Variants in CDH12 observed in about 807,000 individuals in gnomAD.
CDH12 encodes the protein cadherin 12.
Under a neutral mutation model 74.1 loss-of-function variants are expected in CDH12, and 41 were observed. The ratio of observed to expected loss-of-function variants is 0.55; its 90% CI spans 0.43 to 0.72. The LOEUF (loss-of-function observed/expected upper bound fraction) is 0.72, where lower values mean the gene tolerates loss of function less well. Ranked by LOEUF, CDH12 falls within the 30% of genes least tolerant of loss-of-function variation. CDH12 has a pLI of 0.00. For missense variants in CDH12, 945 were observed against 977.2 expected (o/e 0.97, Z 0.44); for synonymous variants, 399 against 355.0 (o/e 1.12, Z -1.39).
intron 1 of CDH12, among the ~76,000 whole-genome samples, chr5:22,661,477 AT>A (rs1740345686): frequency 6.6e-6 from 1 of 152,174 alleles, no homozygotes. Flanking sequence ...TTTTTAGGAA[AT>A]ATTATATTTC....
At position 22,801,426 on chromosome 5, in the gene CDH12, TA is replaced by T. The variant is rs1223979908; in HGVS notation, c.-523+51631del. Among the ~76,000 whole-genome samples, 5 of 152,120 alleles carry T rather than the reference TA, an allele frequency of 3.3e-5. No homozygotes were observed. The East Asian group carries it at 9.7e-4, about 29-fold the overall frequency. ...ATGAGCTATTAAGGGCATCAACTTT[TA>T]AAAAGAGGTTTTTTGCCTTTTTAAG... On this transcript the variant is annotated intron_variant, in intron 1 of 14. Transcript: ENST00000382254.
intron 1 of CDH12, among the ~76,000 whole-genome samples, chr5:22,793,704 C>A (rs1451053467): frequency 6.6e-6 from 1 of 151,310 alleles, no homozygotes; most frequent in East Asian, 1.9e-4. Flanking sequence ...GCATAAGTCT[C>A]AGGAACATCA....
intron 6 of CDH12, among the ~76,000 whole-genome samples, chr5:21,861,364 T>C (rs945538692): frequency 1.3e-5 from 2 of 152,058 alleles, no homozygotes; most frequent in Non-Finnish European, 1.5e-5. Context: ...TTTATACTTA[T>C]TGTATGGTGC....
At chr5:21,900,353 G>A (rs1164207949) in intron 6 of CDH12, among the ~76,000 whole-genome samples, 6 of 152,186 alleles carry the variant, frequency 3.9e-5, no homozygotes, top group East Asian at 1.9e-4. Context: ...TTATTCTAAC[G>A]ATAACCAGTT....
intron 2 of CDH12, among the ~76,000 whole-genome samples, chr5:22,480,363 G>A (rs759734267): frequency 4.6e-5 from 7 of 151,678 alleles, no homozygotes; most frequent in Non-Finnish European, 8.8e-5. Context: ...TAAGCCCATC[G>A]CTTGAGCCCA....
chr5:22,192,971 T>C (rs1398206076), intron 4 of CDH12, among the ~76,000 whole-genome samples: 1 of 152,062 alleles, frequency 6.6e-6, no homozygotes, highest in African/African-American at 2.4e-5. Flanking sequence ...GACATGGCTA[T>C]ATAGTTAAGG....
chr5:22,483,748 C>CTATTATATATATATATATATATATATA (rs1746472490), intron 2 of CDH12, among the ~76,000 whole-genome samples: 2 of 22,764 alleles, frequency 8.8e-5, no homozygotes, highest in Non-Finnish European at 1.8e-4. Context: ...TCTTTCAAAA[C>CTATTATATATATATATATATATATATA]TATATATATA....
At chr5:22,663,073 G>C (rs1188282241) in intron 1 of CDH12, among the ~76,000 whole-genome samples, 1 of 152,134 alleles carries the variant, frequency 6.6e-6, no homozygotes, top group Non-Finnish European at 1.5e-5. Flanking sequence ...TCTAGCCAGA[G>C]AAATTATAAA....
At chr5:21,884,134 A>G (rs1295053141) in intron 6 of CDH12, 1 of 1,516,502 alleles carries the variant, frequency 6.6e-7, no homozygotes, top group Non-Finnish European at 9.2e-7. Context: ...AATATGGTAG[A>G]AAAAGGAATT....
chr5:22,300,752 A>G (rs1038484935), intron 3 of CDH12, among the ~76,000 whole-genome samples: 4 of 152,208 alleles, frequency 2.6e-5, no homozygotes. Context: ...CAGAATCCAT[A>G]ACGGTCACAT....
chr5:22,758,602 ATTCTC>A (rs1404884383), intron 1 of CDH12, among the ~76,000 whole-genome samples: 4 of 152,020 alleles, frequency 2.6e-5, no homozygotes, highest in African/African-American at 9.7e-5. Context: ...AAAAATAACA[ATTCTC>A]TTATAAGGCA....
chr5:21,901,378 T>A (rs1753377917), intron 6 of CDH12, among the ~76,000 whole-genome samples: 2 of 152,164 alleles, frequency 1.3e-5, no homozygotes, highest in South Asian at 4.1e-4. Context: ...ATGTTACACA[T>A]AATAAGATCC....
chr5:22,432,732 T>A (rs184383202), intron 2 of CDH12, among the ~76,000 whole-genome samples: 20 of 152,264 alleles, frequency 1.3e-4, no homozygotes, highest in Non-Finnish European at 2.1e-4. Flanking sequence ...CACTTCATAT[T>A]TCCTGTATAA....
intron 1 of CDH12, among the ~76,000 whole-genome samples, chr5:22,590,340 A>G (rs891742502): frequency 3.9e-5 from 6 of 152,142 alleles, no homozygotes; most frequent in African/African-American, 1.4e-4. Flanking sequence ...TACACCTAGT[A>G]TATCTATATT....
intron 10 of CDH12, among the ~76,000 whole-genome samples, chr5:21,791,787 A>G (rs772052180): frequency 2.6e-5 from 4 of 151,886 alleles, no homozygotes; most frequent in Non-Finnish European, 5.9e-5. Context: ...CTATACTGTA[A>G]ATTAGTTTTC....
intron 4 of CDH12, among the ~76,000 whole-genome samples, chr5:22,204,559 T>C (rs983989715): frequency 3.3e-5 from 5 of 152,228 alleles, no homozygotes; most frequent in African/African-American, 1.2e-4. Flanking sequence ...GCAATAAATC[T>C]AGCTTGCCCT....
intron 2 of CDH12, among the ~76,000 whole-genome samples, chr5:22,454,415 T>C (rs566342441): frequency 4.2e-4 from 64 of 152,236 alleles, no homozygotes; most frequent in Admixed American, 1.4e-3. Context: ...CCTTACTTGG[T>C]ATGTTTGTTT....
chr5:22,017,149 T>C (rs1171523395), intron 5 of CDH12, among the ~76,000 whole-genome samples: 1 of 152,018 alleles, frequency 6.6e-6, no homozygotes, highest in Non-Finnish European at 1.5e-5. Flanking sequence ...TTTCTCTCCC[T>C]CTCACCTCTC....
At chr5:22,107,001 A>C (rs145680043) in intron 4 of CDH12, among the ~76,000 whole-genome samples, 2 of 152,180 alleles carry the variant, frequency 1.3e-5, no homozygotes, top group Non-Finnish European at 2.9e-5. Context: ...TTTCCCTTGG[A>C]CTTGTCCTTA....
Sources: allele counts gnomAD v4.1 joint callset (sites outside exome capture counted in the v4.1 genomes callset), GRCh38; gene constraint gnomAD v4.1.1; transcripts MANE v1.5; gene names NCBI Gene and HGNC (gene_info 2026-07-23, HGNC 2026-07-21).